CHST11: variants seen among roughly 807,000 people sequenced by gnomAD.
CHST11 encodes the protein carbohydrate sulfotransferase 11, also known as C4S-1.
CHST11 carries 9 observed loss-of-function variants against 30.4 expected under a neutral mutation model. The ratio of observed to expected loss-of-function variants is 0.30; its 90% CI spans 0.18 to 0.52. CHST11 has a LOEUF of 0.52. Ranked by LOEUF, CHST11 falls within the 20% of genes least tolerant of loss-of-function variation. CHST11 has a pLI of 0.97. For synonymous variants in CHST11, 152 were observed against 187.8 expected (o/e 0.81, Z 1.56); for missense variants, 348 against 460.6 (o/e 0.76, Z 2.24).
chr12:104,475,944 A>G (rs2037556376), intron 1 of CHST11, among the ~76,000 whole-genome samples: 1 of 144,372 alleles, frequency 6.9e-6, no homozygotes, highest in African/African-American at 2.5e-5. Context: ...CCCTTATATT[A>G]TATATATTTA....
chr12:104,510,402 G>C (rs1040417346), intron 1 of CHST11, among the ~76,000 whole-genome samples: 43 of 152,208 alleles, frequency 2.8e-4, no homozygotes, highest in African/African-American at 1.0e-3. Context: ...TATGCATGAT[G>C]AAGATAAGAA....
chr12:104,478,054 T>G (rs955826671), intron 1 of CHST11, among the ~76,000 whole-genome samples: 2 of 152,080 alleles, frequency 1.3e-5, no homozygotes, highest in Admixed American at 1.3e-4. Context: ...GATGGGGCTC[T>G]CAAGTTTGGG....
intron 1 of CHST11, among the ~76,000 whole-genome samples, chr12:104,567,735 C>T (rs571232761): frequency 3.4e-4 from 52 of 152,178 alleles, no homozygotes; most frequent in African/African-American, 1.1e-3. Context: ...TGTTTGTGTA[C>T]CCCCCACAAA....
intron 2 of CHST11, among the ~76,000 whole-genome samples, chr12:104,675,367 A>G (rs2039731486): frequency 6.6e-6 from 1 of 152,208 alleles, no homozygotes; most frequent in South Asian, 2.1e-4. Context: ...TAAGAATGGT[A>G]TGGAATTGCT....
At chr12:104,482,601 G>A (rs775722141) in intron 1 of CHST11, among the ~76,000 whole-genome samples, 96 of 152,060 alleles carry the variant, frequency 6.3e-4, no homozygotes, top group Non-Finnish European at 8.8e-4. Flanking sequence ...CAAGATTTTG[G>A]TCCTTTGAGC....
intron 2 of CHST11, among the ~76,000 whole-genome samples, chr12:104,625,543 G>C (rs181803229): frequency 6.6e-6 from 1 of 152,180 alleles, no homozygotes; most frequent in Non-Finnish European, 1.5e-5. Flanking sequence ...GACCTCAGGC[G>C]ATCCGCCCGC....
chr12:104,540,700 G>A (rs555313709), intron 1 of CHST11, among the ~76,000 whole-genome samples: 5 of 152,290 alleles, frequency 3.3e-5, no homozygotes, highest in South Asian at 2.1e-4. Flanking sequence ...GGGTGAAACC[G>A]CAGGGTTCAG....
chr12:104,606,740 G>T (rs924166202), intron 2 of CHST11, among the ~76,000 whole-genome samples: 1 of 152,196 alleles, frequency 6.6e-6, no homozygotes, highest in Admixed American at 6.5e-5. Flanking sequence ...GCAGGGGCCA[G>T]GACTTCTGGA....
chr12:104,730,769 C>T (rs1450193596), intron 2 of CHST11, among the ~76,000 whole-genome samples: 3 of 152,158 alleles, frequency 2.0e-5, no homozygotes, highest in East Asian at 1.9e-4. Context: ...GGCTTCTGCT[C>T]GTCCACACTG....
At chr12:104,505,190 A>G (rs1286345258) in intron 1 of CHST11, among the ~76,000 whole-genome samples, 1 of 152,074 alleles carries the variant, frequency 6.6e-6, no homozygotes, top group Non-Finnish European at 1.5e-5. Flanking sequence ...GTTCTATTCT[A>G]CCTGGGGGCT....
At chr12:104,501,130 C>A (rs574534328) in intron 1 of CHST11, among the ~76,000 whole-genome samples, 1 of 152,146 alleles carries the variant, frequency 6.6e-6, no homozygotes, top group South Asian at 2.1e-4. Context: ...AGTGGAGGAG[C>A]TTTTCAGAGC....
intron 1 of CHST11, among the ~76,000 whole-genome samples, chr12:104,543,744 C>T (rs1020063283): frequency 3.3e-5 from 5 of 152,250 alleles, no homozygotes; most frequent in Non-Finnish European, 7.3e-5. Flanking sequence ...CTTCCCTTAC[C>T]CATCTCCCCT....
At chr12:104,658,847 C>G (rs1212340065) in intron 2 of CHST11, among the ~76,000 whole-genome samples, 1 of 152,212 alleles carries the variant, frequency 6.6e-6, no homozygotes, top group Non-Finnish European at 1.5e-5. Context: ...GAAATAGGCT[C>G]TATTGCCGTT....
At chr12:104,574,708 G>T (rs1267655312) in intron 1 of CHST11, among the ~76,000 whole-genome samples, 2 of 151,720 alleles carry the variant, frequency 1.3e-5, no homozygotes, top group Non-Finnish European at 2.9e-5. Context: ...GGGGTCTGTT[G>T]TGGGGTGGGG....
intron 2 of CHST11, among the ~76,000 whole-genome samples, chr12:104,699,549 G>C (rs549612346): frequency 5.9e-5 from 9 of 152,286 alleles, no homozygotes; most frequent in African/African-American, 2.2e-4. Flanking sequence ...CTCAATTGTA[G>C]GGTCACTGAG....
chr12:104,748,951 G>T (rs1449634959), intron 2 of CHST11, among the ~76,000 whole-genome samples: 1 of 152,194 alleles, frequency 6.6e-6, no homozygotes, highest in African/African-American at 2.4e-5. Context: ...TAGTACTCAG[G>T]GGTAGCCAGC....
At chr12:104,654,102 C>T (rs1016937978) in intron 2 of CHST11, among the ~76,000 whole-genome samples, 1 of 152,138 alleles carries the variant, frequency 6.6e-6, no homozygotes, top group African/African-American at 2.4e-5. Flanking sequence ...CTCCTATGTG[C>T]TAGGTGCCGG....
intron 2 of CHST11, among the ~76,000 whole-genome samples, chr12:104,614,890 C>T (rs1229892361): frequency 6.6e-6 from 1 of 152,082 alleles, no homozygotes; most frequent in Non-Finnish European, 1.5e-5. Context: ...AGCTTTGTCC[C>T]TCCTGGGCAG....
chr12:104,662,998 A>C (rs867651486), intron 2 of CHST11, among the ~76,000 whole-genome samples: 8 of 152,212 alleles, frequency 5.3e-5, no homozygotes, highest in African/African-American at 1.9e-4. Context: ...ATTTAATGTG[A>C]TTTGGTTTGT....
Sources: allele counts gnomAD v4.1 joint callset (sites outside exome capture counted in the v4.1 genomes callset), GRCh38; gene constraint gnomAD v4.1.1; transcripts MANE v1.5; gene names NCBI Gene and HGNC (gene_info 2026-07-23, HGNC 2026-07-21).